The following FSTL5 variants were observed in gnomAD, a reference collection of about 807,000 sequenced individuals.
The protein encoded by FSTL5 is follistatin-related protein 5.
FSTL5 carries 62 observed loss-of-function variants against 89.1 expected under a neutral mutation model. The ratio of observed to expected loss-of-function variants is 0.70; its 90% CI spans 0.57 to 0.86. FSTL5 has a LOEUF of 0.86. Ranked by LOEUF, FSTL5 falls within the 40% of genes least tolerant of loss-of-function variation. The probability of loss-of-function intolerance (pLI) is 0.00; values close to 1 mark genes in which losing one functional copy is unlikely to be tolerated. For synonymous variants in FSTL5, 383 were observed against 346.2 expected (o/e 1.11, Z -1.18); for missense variants, 1,057 against 1,001.6 (o/e 1.06, Z -0.75).
intron 15 of FSTL5, among the ~76,000 whole-genome samples, chr4:161,400,792 A>T (rs1167481585): frequency 6.6e-6 from 1 of 152,156 alleles, no homozygotes; most frequent in Non-Finnish European, 1.5e-5. Context: ...AGTAAATAGC[A>T]GTGTACATGA....
At position 162,133,550 on chromosome 4, in the gene FSTL5, A is replaced by G. The variant is rs918366341; in HGVS notation, c.-16-22138T>C. Among the ~76,000 whole-genome samples the G allele has an allele frequency of 2.0e-5, 3 of 152,158 alleles. No individual in the cohort carries two copies. In the East Asian group the frequency reaches 5.8e-4, roughly 29 times the overall value. ...GTTTAGTTTTGGCATTCTATGTAAGATTTTTGTTTAATATAAATACTGGTA... is the reference window on the plus strand; with the variant it reads ...GTTTAGTTTTGGCATTCTATGTAAGGTTTTTGTTTAATATAAATACTGGTA... On this transcript the variant is annotated intron_variant, in intron 1 of 15. Coordinates refer to ENST00000306100, the MANE Select transcript of FSTL5 (RefSeq NM_020116.5).
At chr4:161,525,826 C>A (rs548422745) in intron 10 of FSTL5, among the ~76,000 whole-genome samples, 1 of 151,998 alleles carries the variant, frequency 6.6e-6, no homozygotes, top group Non-Finnish European at 1.5e-5. Context: ...AACTTTTTGA[C>A]TTTTGGTATT....
At chr4:161,564,365 A>G (rs532899884) in intron 8 of FSTL5, among the ~76,000 whole-genome samples, 2 of 151,154 alleles carry the variant, frequency 1.3e-5, no homozygotes, top group Non-Finnish European at 3.0e-5. Context: ...ATTCCTATAT[A>G]TATATATAAA....
intron 4 of FSTL5, among the ~76,000 whole-genome samples, chr4:161,838,637 G>T (rs929908628): frequency 6.6e-6 from 1 of 152,028 alleles, no homozygotes; most frequent in Non-Finnish European, 1.5e-5. Flanking sequence ...AGGATCAAAG[G>T]TTGACATGTA....
intron 7 of FSTL5, among the ~76,000 whole-genome samples, chr4:161,607,243 T>C (rs967268087): frequency 1.3e-5 from 2 of 152,168 alleles, no homozygotes; most frequent in African/African-American, 4.8e-5. Context: ...ATCGTAAGAC[T>C]TGGTGATTAG....
intron 6 of FSTL5, among the ~76,000 whole-genome samples, chr4:161,702,306 A>T (rs901141218): frequency 6.6e-6 from 1 of 152,186 alleles, no homozygotes; most frequent in African/African-American, 2.4e-5. Flanking sequence ...CATTTTGATA[A>T]CGACGTTTTA....
In FSTL5 at chr4:161,560,669, G is replaced by A. The variant is rs572051359; in HGVS notation, c.1016-17976C>T. Among the ~76,000 whole-genome samples the A allele has an allele frequency of 1.1e-4, 17 of 151,682 alleles. No homozygotes were observed. The South Asian group carries it at 3.5e-3, about 32-fold the overall frequency. ...CACACATTAGTTGAGCCCTACACAG[G>A]GTCAGGGGACCTGTGTAGGTCCTGT... is the stretch of plus-strand genomic sequence containing the variant. On this transcript the variant is annotated intron_variant, in intron 8 of 15. Coordinates refer to ENST00000306100, the MANE Select transcript of FSTL5 (RefSeq NM_020116.5).
At chr4:161,609,302 G>T (rs1376671656) in intron 7 of FSTL5, among the ~76,000 whole-genome samples, 1 of 152,054 alleles carries the variant, frequency 6.6e-6, no homozygotes, top group East Asian at 1.9e-4. Context: ...CTGAAAACAA[G>T]CCTATTTTTA....
intron 3 of FSTL5, among the ~76,000 whole-genome samples, chr4:161,986,021 G>A (rs1438304111): frequency 6.6e-6 from 1 of 152,000 alleles, no homozygotes; most frequent in African/African-American, 2.4e-5. Flanking sequence ...AAAATTCCAT[G>A]TAGACATACA....
At chr4:161,892,898 A>C (rs559493665) in intron 4 of FSTL5, among the ~76,000 whole-genome samples, 2 of 152,212 alleles carry the variant, frequency 1.3e-5, no homozygotes, top group East Asian at 3.9e-4. Flanking sequence ...TTACATGCAC[A>C]TTTCAAAAAT....
intron 10 of FSTL5, among the ~76,000 whole-genome samples, chr4:161,521,503 G>A (rs531769141): frequency 2.4e-4 from 37 of 152,080 alleles, no homozygotes; most frequent in Admixed American, 5.9e-4. Flanking sequence ...CCTTAGTTTA[G>A]AAGGAAAAAT....
intron 2 of FSTL5, among the ~76,000 whole-genome samples, chr4:162,056,509 A>G (rs1031851644): frequency 3.9e-5 from 6 of 152,144 alleles, no homozygotes; most frequent in Non-Finnish European, 7.4e-5. Flanking sequence ...TGTCCTTTAT[A>G]TGATGTATGC....
chr4:161,413,817 C>T (rs372430703), intron 15 of FSTL5, among the ~76,000 whole-genome samples: 41 of 152,218 alleles, frequency 2.7e-4, no homozygotes, highest in African/African-American at 8.4e-4. Flanking sequence ...CAAATTAATC[C>T]AGAAACAGAA....
intron 8 of FSTL5, among the ~76,000 whole-genome samples, chr4:161,544,137 A>G (rs919258597): frequency 1.3e-5 from 2 of 152,012 alleles, no homozygotes; most frequent in African/African-American, 2.4e-5. Context: ...AGATTAAAAA[A>G]TTAAAAAAAA....
intron 4 of FSTL5, among the ~76,000 whole-genome samples, chr4:161,835,154 C>G (rs377508431): frequency 0.064 from 9,254 of 144,226 alleles, 384 homozygotes; most frequent in African/African-American, 0.12. Context: ...CGCTGCATAT[C>G]TACAACTATC....
chr4:161,505,813 GA>G (rs113054206), intron 11 of FSTL5, among the ~76,000 whole-genome samples: 2,573 of 152,002 alleles, frequency 0.017, 67 homozygotes, highest in African/African-American at 0.058. Context: ...AATTTTTGAT[GA>G]AAAAAATTGT....
At chr4:162,092,165 T>G (rs1484791276) in intron 2 of FSTL5, among the ~76,000 whole-genome samples, 2 of 152,084 alleles carry the variant, frequency 1.3e-5, no homozygotes, top group Non-Finnish European at 2.9e-5. Flanking sequence ...ATATCCATGC[T>G]GGATTCCAGT....
At chr4:161,908,066 A>C (rs1733586677) in intron 4 of FSTL5, among the ~76,000 whole-genome samples, 1 of 152,062 alleles carries the variant, frequency 6.6e-6, no homozygotes, top group East Asian at 1.9e-4. Flanking sequence ...TTGACATAGA[A>C]TGATTTCAAT....
At chr4:161,464,592 T>C (rs1733687244) in intron 13 of FSTL5, among the ~76,000 whole-genome samples, 1 of 152,214 alleles carries the variant, frequency 6.6e-6, no homozygotes, top group Non-Finnish European at 1.5e-5. Flanking sequence ...TAATAGATTC[T>C]ATGCTCCCAG....
Sources: allele counts gnomAD v4.1 joint callset (sites outside exome capture counted in the v4.1 genomes callset), GRCh38; gene constraint gnomAD v4.1.1; transcripts MANE v1.5; gene names NCBI Gene and HGNC (gene_info 2026-07-23, HGNC 2026-07-21).